The following PPP1R3F variants were observed in gnomAD, a reference collection of about 807,000 sequenced individuals.
PPP1R3F encodes protein phosphatase 1 regulatory subunit 3F.
Under a neutral mutation model 24.2 loss-of-function variants are expected in PPP1R3F, and 29 were observed. The ratio of observed to expected loss-of-function variants is 1.20; its 90% confidence interval spans 0.89 to 1.63. The LOEUF (loss-of-function observed/expected upper bound fraction) is 1.63, where lower values mean the gene tolerates loss of function less well. PPP1R3F is among the 40% of genes most tolerant of loss of function. PPP1R3F has a pLI of 0.00. For synonymous variants in PPP1R3F, 363 were observed against 340.1 expected, an observed-to-expected ratio of 1.07 and a Z score of -0.74; for missense variants, 823 against 729.3, an observed-to-expected ratio of 1.13 and a Z score of -1.48.
In PPP1R3F at chrX:49,285,829, T is replaced by C. The variant is rs1557121290; in HGVS notation, c.1144-5T>C. ...TCTGCCCCCTTGCCCCGGCCATGGC[T>C]CCAGGTTTCTGACGTTCCGATGACT... On this transcript the variant is annotated splice_region_variant and splice_polypyrimidine_tract_variant and intron_variant, in intron 3 of 3. Coordinates refer to ENST00000055335, the MANE Select transcript of PPP1R3F (RefSeq NM_033215.5). 2 of 1,131,006 alleles carry C rather than the reference T, an allele frequency of 1.8e-6. No homozygotes were observed. The highest frequency in any genetic ancestry group is 1.8e-5 in the African/African-American group (1 of 54,654). 93.2% of individuals were successfully genotyped at this position (1,131,006 alleles called of 1,213,427 possible). A position where few individuals can be genotyped will look rare whatever the true frequency, so the allele number is the denominator to read the frequency against.
intron 1 of PPP1R3F, among the ~76,000 whole-genome samples, chrX:49,279,348 G>A (rs1215055018): frequency 8.9e-6 from 1 of 112,324 alleles, no homozygotes; most frequent in Non-Finnish European, 1.9e-5. Flanking sequence ...GTCAGATGGT[G>A]ATACTCGTTT....
At chrX:49,276,038 A>C (rs1248187550) in intron 1 of PPP1R3F, among the ~76,000 whole-genome samples, 1 of 112,536 alleles carries the variant, frequency 8.9e-6, no homozygotes, top group Admixed American at 9.4e-5. Flanking sequence ...TGTGAACGTG[A>C]TCCTCTTTTA....
intron 1 of PPP1R3F, chrX:49,273,396 C>G (rs781875523): frequency 1.8e-5 from 2 of 112,105 alleles, no homozygotes; most frequent in African/African-American, 6.5e-5. Context: ...ATTGAAGCAG[C>G]CTGTTCAGAC....
chrX:49,285,124 T>C (rs1557121189), intron 3 of PPP1R3F, among the ~76,000 whole-genome samples: 1 of 111,503 alleles, frequency 9.0e-6, no homozygotes, highest in Admixed American at 9.5e-5. Flanking sequence ...TAGGCATGCA[T>C]TGTGTAATAA....
At chrX:49,283,381 G>A (rs898695897) in intron 3 of PPP1R3F, among the ~76,000 whole-genome samples, 1 of 110,600 alleles carries the variant, frequency 9.0e-6, no homozygotes, top group Non-Finnish European at 1.9e-5. Context: ...GCTAATTTTT[G>A]TATTTTTAGT....
rs782035137 is a variant in PPP1R3F, at chrX:49,270,789, A to T, written c.920A>T (p.Gln307Leu). The change falls in exon 1 of 4, where the codon CAG becomes CTG. Residue 307 changes from glutamine to leucine, a missense_variant. Coordinates refer to ENST00000055335, the MANE Select transcript of PPP1R3F (RefSeq NM_033215.5). ...EGLPQQQQLP[Q>L]LEPQPECQGP... ...CTGCCCCAGCAGCAGCAGCTGCCGC[A>T]GCTGGAGCCACAGCCCGAGTGCCAG... 1 of 1,193,852 alleles carries T rather than the reference A, an allele frequency of 8.4e-7. No homozygotes were observed. Among genetic ancestry groups the T allele is most frequent in the South Asian group, 1.8e-5 (1 of 54,744 alleles).
intron 1 of PPP1R3F, among the ~76,000 whole-genome samples, chrX:49,278,495 T>C (rs2147966716): frequency 8.9e-6 from 1 of 112,453 alleles, no homozygotes; most frequent in East Asian, 2.8e-4. Context: ...GCTGGTTTGC[T>C]CTGAATCTCT....
chrX:49,296,032 A>G (rs1250861052), intron 3 of PPP1R3F, among the ~76,000 whole-genome samples: 1 of 111,981 alleles, frequency 8.9e-6, no homozygotes, highest in Non-Finnish European at 1.9e-5. Context: ...CTGGCCTCAT[A>G]AAATGAGTTA....
Position 49,286,527 on chromosome X carries a change from A to G in PPP1R3F, c.1837A>G (p.Met613Val). Residue 613 changes from methionine to valine, a missense_variant, in exon 4 of 4, where the codon ATG becomes GTG. Physicochemically the swap from Met to Val is conservative, Grantham distance 21 (BLOSUM62 1). Coordinates refer to ENST00000055335, the MANE Select transcript of PPP1R3F (RefSeq NM_033215.5). ...LSGARSVVAT[M>V]GDVWLPWAEG... ...CGGGGCCCGTTCTGTGGTAGCCACG[A>G]TGGGAGATGTGTGGCTCCCATGGGC... The G allele has an allele frequency of 8.3e-7, 1 of 1,211,016 alleles. No homozygotes were observed. The highest frequency in any genetic ancestry group is 1.1e-6 in the Non-Finnish European group (1 of 894,930).
rs2066161451 is a variant in PPP1R3F, at chrX:49,270,060, A to AGAT, written c.193_195dup (p.Met65dup). 1.0e-6 allele frequency: 1 copy of AGAT among 987,204 alleles called. No homozygotes were observed. Among genetic ancestry groups the AGAT allele is most frequent in the Non-Finnish European group, 1.3e-6 (1 of 789,222 alleles). The allele number at this position is 987,204 out of a possible 1,213,427, so 81.4% of individuals were successfully genotyped here. The stretch of plus-strand genomic sequence containing the variant: ...CCGTGGGGCGGGCCCGGGGCGGGCA[A>AGAT]GATGGCGGCGGCGGCCGGGCAAGAT... On this transcript the variant is annotated inframe_insertion, in exon 1 of 4. Coordinates refer to ENST00000055335, the MANE Select transcript of PPP1R3F (RefSeq NM_033215.5).
At chrX:49,277,594 T>C (rs956142172) in intron 1 of PPP1R3F, among the ~76,000 whole-genome samples, 1 of 112,646 alleles carries the variant, frequency 8.9e-6, no homozygotes. Context: ...CTGTTACCGA[T>C]CAGTGAGTCA....
intron 3 of PPP1R3F, among the ~76,000 whole-genome samples, chrX:49,293,571 A>G (rs1480573397): frequency 2.7e-5 from 3 of 112,714 alleles, no homozygotes; most frequent in Middle Eastern, 4.6e-3. Context: ...AAGGTACACA[A>G]AGACACAATG....
chrX:49,301,250 A>G (rs2147982108), intron 3 of PPP1R3F: 2 of 391,105 alleles, frequency 5.1e-6, no homozygotes, highest in Admixed American at 3.4e-5. Context: ...TTTTTTGTCT[A>G]TTTAATAAAA....
At chrX:49,277,533 A>G (rs978789034) in intron 1 of PPP1R3F, among the ~76,000 whole-genome samples, 1 of 112,343 alleles carries the variant, frequency 8.9e-6, no homozygotes, top group African/African-American at 3.2e-5. Flanking sequence ...CTGCAGGTAC[A>G]GTTTTGTTCT....
chrX:49,270,640 G>A lies in PPP1R3F; in HGVS notation c.771G>A (p.Ala257=), dbSNP rs782466966. ...TTGCTGAGGGCGCGGGCGATGGGGC[G>A]CGCCTCGACTTCGTGGTGCGCTATG... ...LPFAEGAGDG[A]RLDFVVRYET... The change falls in exon 1 of 4, where the codon GCG becomes GCA. Residue 257 remains alanine, a synonymous_variant. Coordinates refer to ENST00000055335, the MANE Select transcript of PPP1R3F (RefSeq NM_033215.5). 21 of 1,206,759 alleles carry A rather than the reference G, an allele frequency of 1.7e-5. No homozygotes were observed. Among genetic ancestry groups the A allele is most frequent in the African/African-American group, 1.0e-4 (6 of 57,569 alleles).
intron 3 of PPP1R3F, among the ~76,000 whole-genome samples, chrX:49,283,323 C>T (rs782460438): frequency 1.9e-5 from 2 of 107,195 alleles, no homozygotes; most frequent in Non-Finnish European, 3.9e-5. Flanking sequence ...GTGGTGTGAT[C>T]TCAGCTTACT....
intron 3 of PPP1R3F, among the ~76,000 whole-genome samples, chrX:49,295,443 C>A (rs2066320368): frequency 8.9e-6 from 1 of 112,322 alleles, no homozygotes; most frequent in Admixed American, 9.4e-5. Flanking sequence ...TGCACCCGGT[C>A]ACATTGATTG....
At chrX:49,271,696 T>C (rs1396369654) in intron 1 of PPP1R3F, among the ~76,000 whole-genome samples, 6 of 113,108 alleles carry the variant, frequency 5.3e-5, no homozygotes, top group African/African-American at 1.9e-4. Context: ...CTGTGCACTC[T>C]ACTGTTAACG....
At chrX:49,271,147 A>C (rs2066177656) in intron 1 of PPP1R3F, among the ~76,000 whole-genome samples, 1 of 112,068 alleles carries the variant, frequency 8.9e-6, no homozygotes, top group South Asian at 3.7e-4. Flanking sequence ...TATGGGAGAC[A>C]GTTTGAAAAA....
Sources: gnomAD v4.1 joint callset for allele counts (sites outside exome capture counted in the v4.1 genomes callset) on GRCh38, gnomAD v4.1.1 for gene constraint, MANE v1.5 for transcripts, NCBI Gene and HGNC (gene_info 2026-07-23, HGNC 2026-07-21) for gene names.